Variants in LMTK2 observed in about 807,000 individuals in gnomAD.
LMTK2 encodes serine/threonine-protein kinase LMTK2.
A neutral mutation model predicts 127.5 loss-of-function variants in LMTK2; 37 were observed. The ratio of observed to expected loss-of-function variants is 0.29; its 90% confidence interval spans 0.22 to 0.38. The LOEUF is 0.38. LMTK2 is among the 10% of genes least tolerant of loss of function. The pLI, the probability that LMTK2 is intolerant of heterozygous loss-of-function variation, is 1.00. For synonymous variants in LMTK2, 819 were observed against 810.1 expected (o/e 1.01, Z -0.19); for missense variants, 1,694 against 1,920.3 (o/e 0.88, Z 2.20).
chr7:98,131,507 A>G (rs1369226319), intron 1 of LMTK2, among the ~76,000 whole-genome samples: 1 of 151,294 alleles, frequency 6.6e-6, no homozygotes, highest in Non-Finnish European at 1.5e-5. Flanking sequence ...ATACATTGAC[A>G]TTTGGATCTA....
intron 3 of LMTK2, among the ~76,000 whole-genome samples, chr7:98,145,305 C>A (rs928559052): frequency 6.6e-6 from 1 of 150,430 alleles, no homozygotes; most frequent in Admixed American, 6.6e-5. Flanking sequence ...ATCACACATA[C>A]AAAAAAGGAT....
In LMTK2 at chr7:98,141,514, G is replaced by T. The variant is rs1043010348; in HGVS notation, c.349G>T (p.Ala117Ser). Reference protein sequence around the residue: ...TLSVPNISLPAPSQFQPSVEG... With the variant: ...TLSVPNISLPSPSQFQPSVEG... ...TTCAGTACCAAATATTTCACTCCCA[G>T]CTCCCTCGCAATTCCAGCCTTCTGT... Residue 117 changes from alanine (A) to serine (S), a missense_variant, in exon 3 of 14, where the codon GCT becomes TCT. Physicochemically the swap from Ala to Ser is moderately conservative, Grantham distance 99. This residue lies in a region of LMTK2 where 203 missense variants were observed against 226.2 expected (regional missense o/e 0.90). Coordinates refer to ENST00000297293, the MANE Select transcript of LMTK2 (RefSeq NM_014916.4). 1 of 1,614,058 alleles carries T rather than the reference G, an allele frequency of 6.2e-7. No homozygotes were observed. The highest frequency in any genetic ancestry group is 8.5e-7 in the Non-Finnish European group (1 of 1,179,940).
At position 98,206,299 on chromosome 7, in the gene LMTK2, A is replaced by G. The variant is rs2116490442; in HGVS notation, c.*807A>G. 6.6e-6 allele frequency: 1 copy of G among 152,408 alleles called. No individual in the cohort carries two copies. The highest frequency in any genetic ancestry group is 1.9e-4 in the East Asian group (1 of 5,190). 9.4% of individuals were successfully genotyped at this position (152,408 alleles called of 1,614,324 possible). On this transcript the variant is annotated 3_prime_UTR_variant, in exon 14 of 14. Transcript: ENST00000297293. ...TTGAATGCATTTTTGTCTCTTCTTG[A>G]TGAAGCGGCTTTGCCGCAGCAAATG...
chr7:98,150,905 C>T (rs918820079), intron 3 of LMTK2, among the ~76,000 whole-genome samples: 1 of 151,976 alleles, frequency 6.6e-6, no homozygotes, highest in African/African-American at 2.4e-5. Flanking sequence ...GGAGATGTTC[C>T]GTATTTTATT....
chr7:98,159,158 A>G (rs1796975709), intron 5 of LMTK2, among the ~76,000 whole-genome samples, 180 bp from the exon 6 acceptor site: 1 of 152,208 alleles, frequency 6.6e-6, no homozygotes, highest in South Asian at 2.1e-4. Context: ...ATAACTTAGT[A>G]TACACCTTTT....
At chr7:98,115,277 A>G (rs978111912) in intron 1 of LMTK2, among the ~76,000 whole-genome samples, 1 of 151,936 alleles carries the variant, frequency 6.6e-6, no homozygotes, top group Non-Finnish European at 1.5e-5. Context: ...TTAGCTGGGT[A>G]TGGTGGCACA....
chr7:98,201,574 T>A (rs1483564592), intron 11 of LMTK2, among the ~76,000 whole-genome samples: 2 of 151,752 alleles, frequency 1.3e-5, no homozygotes, highest in Admixed American at 1.3e-4. Context: ...TTATGGTGCA[T>A]CTGAGGGTGG....
intron 1 of LMTK2, among the ~76,000 whole-genome samples, chr7:98,131,773 CCA>C (rs768166214): frequency 2.0e-5 from 3 of 152,194 alleles, no homozygotes; most frequent in Non-Finnish European, 4.4e-5. Context: ...CACCCAGTGG[CCA>C]CAGTTTCCTG....
intron 1 of LMTK2, among the ~76,000 whole-genome samples, chr7:98,121,678 T>C (rs1317221298): frequency 6.6e-5 from 10 of 150,638 alleles, no homozygotes; most frequent in African/African-American, 2.2e-4. Context: ...GCTTCCATAA[T>C]TAGGCTGAAA....
chr7:98,143,918 C>T (rs1796732869), intron 3 of LMTK2, among the ~76,000 whole-genome samples: 1 of 152,078 alleles, frequency 6.6e-6, no homozygotes, highest in African/African-American at 2.4e-5. Flanking sequence ...TATAGTCAAT[C>T]AATACAGTGG....
At chr7:98,183,697 C>G (rs548460803) in intron 7 of LMTK2, among the ~76,000 whole-genome samples, 8 of 151,826 alleles carry the variant, frequency 5.3e-5, no homozygotes, top group African/African-American at 1.9e-4. Flanking sequence ...GGCCTCACTC[C>G]AGCTTTTTTG....
intron 1 of LMTK2, among the ~76,000 whole-genome samples, chr7:98,122,730 A>G (rs4995908): frequency 0.11 from 299 of 2,832 alleles, 6 homozygotes; most frequent in Middle Eastern, 0.25. Context: ...GTGTGTGTAT[A>G]TATATAACTG....
chr7:98,117,433 G>A (rs983209996), intron 1 of LMTK2, among the ~76,000 whole-genome samples: 2 of 152,056 alleles, frequency 1.3e-5, no homozygotes, highest in South Asian at 2.1e-4. Flanking sequence ...TTTATACTTC[G>A]AGTTGATTCC....
intron 7 of LMTK2, among the ~76,000 whole-genome samples, chr7:98,174,137 A>G (rs1442161145): frequency 6.6e-6 from 1 of 151,184 alleles, no homozygotes; most frequent in South Asian, 2.1e-4. Context: ...AAGTAATCAT[A>G]TCTATATTAA....
intron 2 of LMTK2, among the ~76,000 whole-genome samples, chr7:98,140,257 C>A (rs964678550): frequency 6.6e-6 from 1 of 151,316 alleles, no homozygotes; most frequent in African/African-American, 2.4e-5. Flanking sequence ...AGTCCTCCCT[C>A]AGCCTCCTGA....
intron 1 of LMTK2, among the ~76,000 whole-genome samples, chr7:98,107,820 T>C (rs1796136666): frequency 1.3e-5 from 2 of 152,176 alleles, no homozygotes; most frequent in Admixed American, 1.3e-4. Context: ...TATAAATATT[T>C]CTATTTTAGG....
At chr7:98,136,059 C>T (rs560404610) in intron 1 of LMTK2, among the ~76,000 whole-genome samples, 13 of 152,040 alleles carry the variant, frequency 8.6e-5, no homozygotes, top group African/African-American at 3.1e-4. Flanking sequence ...GAGCCTGGAG[C>T]TTCCTGTCGT....
intron 8 of LMTK2, among the ~76,000 whole-genome samples, chr7:98,186,195 C>A (rs927519980): frequency 3.3e-5 from 5 of 152,042 alleles, no homozygotes; most frequent in African/African-American, 1.2e-4. Context: ...TTCCGAGTAA[C>A]TGGGACTACA....
intron 1 of LMTK2, among the ~76,000 whole-genome samples, chr7:98,115,180 C>T (rs923507845): frequency 3.9e-5 from 6 of 151,964 alleles, no homozygotes; most frequent in Middle Eastern, 3.4e-3. Flanking sequence ...GGTGGGAGGT[C>T]GAGGTGGGTG....
Sources: allele counts gnomAD v4.1 joint callset (sites outside exome capture counted in the v4.1 genomes callset), GRCh38; gene constraint gnomAD v4.1.1; regional missense constraint gnomAD v4.1.1; transcripts MANE v1.5; gene names NCBI Gene and HGNC (gene_info 2026-07-23, HGNC 2026-07-21).